Variants in NLRC5 observed in about 807,000 individuals in gnomAD.
NLRC5 encodes NLR family CARD domain containing 5.
NLRC5 carries 114 observed loss-of-function variants against 206.9 expected under a neutral mutation model. The observed-to-expected ratio is 0.55, with a 90% CI of 0.47 to 0.64. The LOEUF (loss-of-function observed/expected upper bound fraction) is 0.64. Among genes scored for constraint, NLRC5 ranks in the 30% least tolerant of loss-of-function variants. NLRC5 has a pLI of 0.00. For synonymous variants in NLRC5, 952 were observed against 962.8 expected (o/e 0.99, Z 0.21); for missense variants, 2,008 against 2,305.5 (o/e 0.87, Z 2.64).
chr16:57,008,913 AAG>A (rs1256716153), intron 1 of NLRC5, among the ~76,000 whole-genome samples: 1 of 152,216 alleles, frequency 6.6e-6, no homozygotes, highest in Non-Finnish European at 1.5e-5. Flanking sequence ...TTTCAAACAT[AAG>A]AGTTACCAAC....
intron 8 of NLRC5, 35 bp downstream of exon 8, chr16:57,028,420 A>G (rs780391114): frequency 1.0e-5 from 16 of 1,547,676 alleles, no homozygotes; most frequent in South Asian, 5.6e-5. Flanking sequence ...CTGACTGGGG[A>G]GATGAGCCAC....
chr16:57,030,102 G>A lies in NLRC5; in HGVS notation c.2417+18G>A. ...CAGGCCAGGTGAGCAGAAGGAAAGG[G>A]ATCTTGGCCTTATGGGCCTTGAGAA... On this transcript the variant is annotated intron_variant, in intron 10 of 48. Coordinates refer to ENST00000688547, the MANE Select transcript of NLRC5 (RefSeq NM_001384950.1). The A allele has an allele frequency of 6.2e-7, 1 of 1,606,368 alleles. No individual in the cohort carries two copies. The highest frequency in any genetic ancestry group is 8.5e-7 in the Non-Finnish European group (1 of 1,172,988).
intron 46 of NLRC5, among the ~76,000 whole-genome samples, chr16:57,080,272 G>A (rs1228464035): frequency 1.3e-5 from 2 of 152,134 alleles, no homozygotes; most frequent in African/African-American, 2.4e-5. Flanking sequence ...GAAAGTCTCA[G>A]ATCAGTGGTA....
chr16:57,046,259 T>A (rs919062877), intron 21 of NLRC5, among the ~76,000 whole-genome samples: 1 of 152,226 alleles, frequency 6.6e-6, no homozygotes, highest in Non-Finnish European at 1.5e-5. Context: ...AGGCTCTGTC[T>A]TGGGTCCTCC....
chr16:57,058,477 T>A, intron 28 of NLRC5: 1 of 395,646 alleles, frequency 2.5e-6, no homozygotes, highest in Non-Finnish European at 4.7e-6. Context: ...TGCAGCTGCC[T>A]GGCTCCTGGT....
rs988791774 is a variant in NLRC5 at position 57,078,959 on chromosome 16, G to A, written c.5082-91G>A. ...GGGGAATTAGCCAGAGACTGTCTAC[G>A]GGCTGGCACTGCAGCCTGAGACAAG... On this transcript the variant is annotated intron_variant, in intron 43 of 48. Transcript: ENST00000688547. The A allele has an allele frequency of 2.3e-5, 26 of 1,131,244 alleles. No individual in the cohort carries two copies. The African/African-American group carries it at 2.9e-4, about 13-fold the overall frequency. The allele number at this position is 1,131,244 out of a possible 1,614,324, so 70.1% of individuals were successfully genotyped here. A position where few individuals can be genotyped will look rare whatever the true frequency, so the allele number is the denominator to read the frequency against.
At chr16:57,036,248 G>A in intron 14 of NLRC5, 65 bp downstream of exon 14, 1 of 1,480,238 alleles carries the variant, frequency 6.8e-7, no homozygotes, top group Non-Finnish European at 9.3e-7. Context: ...AGGTCCCCGT[G>A]TTCGTAATCA....
chr16:57,022,334 G>T lies in NLRC5; in HGVS notation c.355+19G>T. 1.9e-6 allele frequency: 3 copies of T among 1,602,300 alleles called. No homozygotes were observed. The highest frequency in any genetic ancestry group is 2.6e-6 in the Non-Finnish European group (3 of 1,170,328). Reference sequence around the variant, plus strand: ...CACCATGGTGAGGACTGGAGTTGGGGGGTGGGAAGGGGGTGGTGAGCACTG... The same window carrying T: ...CACCATGGTGAGGACTGGAGTTGGGTGGTGGGAAGGGGGTGGTGAGCACTG... On this transcript the variant is annotated intron_variant, in intron 4 of 48. Transcript: ENST00000688547.
intron 1 of NLRC5, among the ~76,000 whole-genome samples, chr16:57,009,650 A>G (rs556539614): frequency 9.9e-4 from 151 of 152,382 alleles, no homozygotes; most frequent in African/African-American, 3.3e-3. Flanking sequence ...ATGTTTGAAC[A>G]TCTTGACAAA....
chr16:57,078,983 A>G, intron 43 of NLRC5, 67 bp from the exon 44 acceptor site: 1 of 1,424,992 alleles, frequency 7.0e-7, no homozygotes, highest in Admixed American at 1.8e-5. Flanking sequence ...GCCTGAGACA[A>G]GGCTGAGGGT....
chr16:57,029,806 G>A lies in NLRC5; in HGVS notation c.2277G>A (p.Val759=). Residue 759 remains valine (V), a synonymous_variant, in exon 9 of 49, where the codon GTG becomes GTA. Coordinates refer to ENST00000688547, the MANE Select transcript of NLRC5 (RefSeq NM_001384950.1). The part of the protein sequence containing the change: ...FRDNQLSDQV[V]LNIVEVLPHL... ...ACAACCAGCTCAGTGACCAGGTGGT[G>A]CTGAACATTGTGGAGGTTCTCCCTC... is the stretch of plus-strand genomic sequence containing the variant. 1 of 1,614,170 alleles carries A rather than the reference G, an allele frequency of 6.2e-7. No homozygotes were observed. Among genetic ancestry groups the A allele is most frequent in the Non-Finnish European group, 8.5e-7 (1 of 1,180,034 alleles).
At chr16:57,011,168 T>C (rs2142598473) in intron 1 of NLRC5, among the ~76,000 whole-genome samples, 1 of 152,306 alleles carries the variant, frequency 6.6e-6, no homozygotes, top group East Asian at 1.9e-4. Flanking sequence ...ACCCCAACAC[T>C]TTGGGAGGCC....
intron 1 of NLRC5, among the ~76,000 whole-genome samples, chr16:57,005,574 A>C (rs1473730234): frequency 1.3e-5 from 2 of 152,006 alleles, no homozygotes; most frequent in African/African-American, 4.8e-5. Context: ...GAAGTAATAG[A>C]TATATTCAAC....
rs1213565784 is a variant in NLRC5 at position 57,045,473 on chromosome 16, A to G, written c.3229A>G (p.Arg1077Gly). ...CTTTGAAAGCCAACACATCCTCCTG[A>G]GAGGGGACAAGACAAGCAGGTGAGG... ...ISFESQHILL[R>G]GDKTSRDMWA... The change falls in exon 21 of 49, where the codon AGA (arginine) becomes GGA (glycine). Residue 1077 changes from arginine to glycine, a missense_variant. Transcript: ENST00000688547. 6.2e-7 allele frequency: 1 copy of G among 1,614,032 alleles called. No homozygotes were observed. The highest frequency in any genetic ancestry group is 1.7e-5 in the Admixed American group (1 of 60,018).
rs9932165 is a variant in NLRC5, at chr16:57,058,515, C to A, written c.3830+367C>A. On this transcript the variant is annotated intron_variant, in intron 28 of 48. Coordinates refer to ENST00000688547, the MANE Select transcript of NLRC5 (RefSeq NM_001384950.1). ...ATCCCGTCCCTGAAATTCTTCTGACCCAATCTGTGGAACATAAATGTGGAG... is the reference window on the plus strand; with the variant it reads ...ATCCCGTCCCTGAAATTCTTCTGACACAATCTGTGGAACATAAATGTGGAG... The A allele has an allele frequency of 5.9e-3, 1,988 of 337,092 alleles. 39 individuals are homozygous for A. The highest frequency in any genetic ancestry group is 0.039 in the African/African-American group (1,871 of 47,718). The allele number at this position is 337,092 out of a possible 1,614,324, so 20.9% of individuals were successfully genotyped here. A position where few individuals can be genotyped will look rare whatever the true frequency, so the allele number is the denominator to read the frequency against.
intron 36 of NLRC5, among the ~76,000 whole-genome samples, chr16:57,069,388 G>A (rs1457515564): frequency 6.6e-6 from 1 of 152,032 alleles, no homozygotes; most frequent in Non-Finnish European, 1.5e-5. Flanking sequence ...CTTGAGCCCG[G>A]GAGTTCGACA....
intron 24 of NLRC5, among the ~76,000 whole-genome samples, chr16:57,052,058 T>C (rs1290221527): frequency 1.3e-5 from 2 of 152,200 alleles, no homozygotes; most frequent in African/African-American, 4.8e-5. Context: ...ATGTAGGTCC[T>C]GTACTTATCA....
chr16:57,057,196 G>T (rs976024881), intron 27 of NLRC5, among the ~76,000 whole-genome samples: 1 of 152,258 alleles, frequency 6.6e-6, no homozygotes, highest in African/African-American at 2.4e-5. Context: ...CAAAGCGGGT[G>T]GATCACCTGA....
chr16:57,079,615 C>T lies in NLRC5; in HGVS notation c.5307C>T (p.Ala1769=). ...CCTCCAGCTTCACGAGCTGCCCTGC[C>T]CTGGAAGTAATCTTGTGAGTGATTG... The part of the protein sequence containing the change: ...LLTSSFTSCP[A]LEVILLSWNL... Residue 1769 remains alanine (A), a synonymous_variant, in exon 46 of 49, where the codon GCC becomes GCT. Transcript: ENST00000688547. 6.2e-7 allele frequency: 1 copy of T among 1,613,874 alleles called. No individual in the cohort carries two copies. Among genetic ancestry groups the T allele is most frequent in the Non-Finnish European group, 8.5e-7 (1 of 1,179,854 alleles).
Sources: allele counts gnomAD v4.1 joint callset (sites outside exome capture counted in the v4.1 genomes callset), GRCh38; gene constraint gnomAD v4.1.1; transcripts MANE v1.5; gene names NCBI Gene and HGNC (gene_info 2026-07-23, HGNC 2026-07-21).